The following SETBP1 variants were observed in gnomAD, a reference collection of about 807,000 sequenced individuals.
The protein encoded by SETBP1 is SET binding protein 1.
SETBP1 carries 9 observed loss-of-function variants against 101.0 expected under a neutral mutation model. The ratio of observed to expected loss-of-function variants is 0.09; its 90% CI spans 0.05 to 0.16. The LOEUF is 0.16. Ranked by LOEUF, SETBP1 falls within the 10% of genes least tolerant of loss-of-function variation. The pLI is 1.00. For missense variants in SETBP1, 1,858 were observed against 2,033.8 expected (o/e 0.91, Z 1.66); for synonymous variants, 818 against 788.5 (o/e 1.04, Z -0.63).
In SETBP1 at chr18:44,801,187, G is replaced by A. The variant is rs565804600; in HGVS notation, c.487-68043G>A. ...AGGAGATATACCTAATGTAAATGAC[G>A]AGTTAATGGGTGCAGCACACCAACA... On this transcript the variant is annotated intron_variant, in intron 2 of 5. Transcript: ENST00000649279. Among the ~76,000 whole-genome samples, 45 of 152,124 alleles carry A rather than the reference G, an allele frequency of 3.0e-4. 1 individual carries two copies. Among genetic ancestry groups the A allele is most frequent in the African/African-American group, 8.9e-4 (37 of 41,494 alleles).
At chr18:44,703,966 G>A (rs2069166899) in intron 2 of SETBP1, among the ~76,000 whole-genome samples, 1 of 152,138 alleles carries the variant, frequency 6.6e-6, no homozygotes, top group Non-Finnish European at 1.5e-5. Context: ...TGTGTGGGTG[G>A]GTTGTCTTGA....
chr18:44,691,527 G>A (rs1310365070), intron 1 of SETBP1, among the ~76,000 whole-genome samples: 2 of 152,182 alleles, frequency 1.3e-5, no homozygotes, highest in Non-Finnish European at 2.9e-5. Context: ...TCATGCTGTT[G>A]TGTTGTGTTA....
chr18:44,802,392 G>A (rs2071625215), intron 2 of SETBP1, among the ~76,000 whole-genome samples: 1 of 152,092 alleles, frequency 6.6e-6, no homozygotes. Context: ...ACAGGATTGG[G>A]GACTTTAGCT....
chr18:44,710,098 G>A (rs577603150), intron 2 of SETBP1, among the ~76,000 whole-genome samples: 2 of 152,208 alleles, frequency 1.3e-5, no homozygotes, highest in South Asian at 4.2e-4. Context: ...TACATTGCTA[G>A]TTGACCCGCA....
rs2070053384 is a variant in SETBP1 at position 44,739,628 on chromosome 18, T to C, written c.486+37796T>C. ...ATTTTAATTATCAGTGATATCTGAA[T>C]TTGGATTCAGGTCTTTCACATTTAA... On this transcript the variant is annotated intron_variant, in intron 2 of 5. Transcript: ENST00000649279. Among the ~76,000 whole-genome samples, 4 of 152,228 alleles carry C rather than the reference T, an allele frequency of 2.6e-5. No homozygotes were observed. The South Asian group carries it at 8.3e-4, about 32-fold the overall frequency.
In SETBP1 at chr18:45,063,459, G is replaced by C; in HGVS notation, c.4552G>C (p.Glu1518Gln). ...TIEAVIHMAR[E>Q]APPLPPPPPP... ...CGAGGCGGTCATCCACATGGCCCGG[G>C]AGGCGCCGCCCCTGCCCCCGCCACC... is the stretch of plus-strand genomic sequence containing the variant. The change falls in exon 6 of 6, where the codon GAG (glutamate) becomes CAG (glutamine). Residue 1518 changes from glutamate to glutamine, a missense_variant. Transcript: ENST00000649279. 2 of 1,478,622 alleles carry C rather than the reference G, an allele frequency of 1.4e-6. No individual in the cohort carries two copies. The highest frequency in any genetic ancestry group is 2.5e-5 in the East Asian group (1 of 40,410). 91.6% of individuals were successfully genotyped at this position (1,478,622 alleles called of 1,614,324 possible). A position where few individuals can be genotyped will look rare whatever the true frequency, so the allele number is the denominator to read the frequency against.
chr18:44,995,875 C>A (rs1489350797), intron 4 of SETBP1, among the ~76,000 whole-genome samples: 1 of 152,214 alleles, frequency 6.6e-6, no homozygotes, highest in Non-Finnish European at 1.5e-5. Flanking sequence ...GGGCCCTAAA[C>A]ACTTCCCATT....
chr18:44,775,010 T>G (rs187199449), intron 2 of SETBP1, among the ~76,000 whole-genome samples: 166 of 152,314 alleles, frequency 1.1e-3, no homozygotes, highest in Middle Eastern at 3.4e-3. Context: ...ATTTAGAATT[T>G]TTTTTTAACT....
intron 2 of SETBP1, among the ~76,000 whole-genome samples, chr18:44,744,412 G>A (rs1424629680): frequency 6.6e-6 from 1 of 152,254 alleles, no homozygotes; most frequent in Non-Finnish European, 1.5e-5. Context: ...GGGAACAGGG[G>A]CTCCCTGGCC....
chr18:44,823,615 G>A (rs1842304769), intron 2 of SETBP1, among the ~76,000 whole-genome samples: 1 of 152,208 alleles, frequency 6.6e-6, no homozygotes, highest in Non-Finnish European at 1.5e-5. Context: ...CTTATGCTCA[G>A]GTCAAGGAAG....
intron 2 of SETBP1, among the ~76,000 whole-genome samples, chr18:44,828,331 G>A (rs1006451473): frequency 1.3e-5 from 2 of 152,184 alleles, no homozygotes; most frequent in Admixed American, 1.3e-4. Flanking sequence ...AGGGACTCAG[G>A]ATCTGTGAGC....
chr18:44,930,147 C>A (rs527720597), intron 3 of SETBP1, among the ~76,000 whole-genome samples: 2 of 152,034 alleles, frequency 1.3e-5, no homozygotes, highest in Non-Finnish European at 2.9e-5. Context: ...TAGCATGAAG[C>A]GCTGTTGAAT....
chr18:44,784,429 G>A (rs2071196673), intron 2 of SETBP1, among the ~76,000 whole-genome samples: 1 of 152,098 alleles, frequency 6.6e-6, no homozygotes, highest in Non-Finnish European at 1.5e-5. Context: ...TCTGTTCTCT[G>A]CCTTCACATG....
chr18:44,743,750 T>C (rs1599062504), intron 2 of SETBP1, among the ~76,000 whole-genome samples: 1 of 152,290 alleles, frequency 6.6e-6, no homozygotes, highest in East Asian at 1.9e-4. Flanking sequence ...ACCTTTTGTT[T>C]CGATTTTATT....
intron 4 of SETBP1, among the ~76,000 whole-genome samples, chr18:44,955,040 A>C (rs1166775926): frequency 6.6e-6 from 1 of 152,172 alleles, no homozygotes; most frequent in African/African-American, 2.4e-5. Flanking sequence ...TCCTAACTTA[A>C]CAGACCCAAG....
intron 3 of SETBP1, chr18:44,876,699 T>G (rs1039245032): frequency 4.1e-5 from 62 of 1,501,860 alleles, no homozygotes; most frequent in Non-Finnish European, 4.9e-5. Flanking sequence ...CAAAACCCGG[T>G]TCTCTCACTC....
At chr18:45,048,669 A>C (rs1458245209) in intron 5 of SETBP1, among the ~76,000 whole-genome samples, 2 of 152,016 alleles carry the variant, frequency 1.3e-5, no homozygotes, top group African/African-American at 4.8e-5. Context: ...TCTATGAATG[A>C]TATATACAAA....
chr18:44,795,789 C>T (rs1381902246), intron 2 of SETBP1, among the ~76,000 whole-genome samples: 2 of 152,262 alleles, frequency 1.3e-5, no homozygotes, highest in South Asian at 2.1e-4. Flanking sequence ...AAATAGAACT[C>T]AGTCAACATA....
At chr18:44,945,394 A>G (rs1259895846) in intron 3 of SETBP1, among the ~76,000 whole-genome samples, 1 of 152,250 alleles carries the variant, frequency 6.6e-6, no homozygotes, top group East Asian at 1.9e-4. Context: ...TTTACATTAC[A>G]GAAGAACTTG....
Sources: gnomAD v4.1 joint callset for allele counts (sites outside exome capture counted in the v4.1 genomes callset) on GRCh38, gnomAD v4.1.1 for gene constraint, MANE v1.5 for transcripts, NCBI Gene and HGNC (gene_info 2026-07-23, HGNC 2026-07-21) for gene names.